The following C1orf94 variants were observed in gnomAD, a reference collection of about 807,000 sequenced individuals.
C1orf94 encodes the protein chromosome 1 open reading frame 94.
C1orf94 carries 45 observed loss-of-function variants against 53.6 expected under a neutral mutation model. The ratio of observed to expected loss-of-function variants is 0.84; its 90% CI spans 0.66 to 1.08. The LOEUF is 1.08. Among genes scored for constraint, C1orf94 ranks in the 50% least tolerant of loss-of-function variants. C1orf94 has a pLI of 0.00. For synonymous variants in C1orf94, 304 were observed against 296.1 expected (o/e 1.03, Z -0.27); for missense variants, 762 against 738.9 (o/e 1.03, Z -0.36).
At chr1:34,217,244 G>A (rs1643003781) in intron 6 of C1orf94, among the ~76,000 whole-genome samples, 1 of 152,086 alleles carries the variant, frequency 6.6e-6, no homozygotes, top group African/African-American at 2.4e-5. Context: ...TCCTCTTCCT[G>A]GCCCTCTAGC....
chr1:34,213,731 G>A (rs1326015275), intron 6 of C1orf94, among the ~76,000 whole-genome samples: 1 of 151,994 alleles, frequency 6.6e-6, no homozygotes, highest in Non-Finnish European at 1.5e-5. Flanking sequence ...AGTAGAGACG[G>A]GGTTTCACCA....
intron 1 of C1orf94, among the ~76,000 whole-genome samples, chr1:34,186,361 G>A (rs977418063): frequency 1.3e-5 from 2 of 152,212 alleles, no homozygotes; most frequent in African/African-American, 4.8e-5. Flanking sequence ...ATAAGAGAAG[G>A]ACTCGATGTT....
intron 2 of C1orf94, among the ~76,000 whole-genome samples, chr1:34,198,231 G>C (rs1642637377): frequency 6.6e-6 from 1 of 152,244 alleles, no homozygotes; most frequent in South Asian, 2.1e-4. Flanking sequence ...GTACATTGAA[G>C]GAAGTGTTTA....
intron 6 of C1orf94, among the ~76,000 whole-genome samples, chr1:34,212,911 C>A (rs1642920176): frequency 6.6e-6 from 1 of 152,194 alleles, no homozygotes; most frequent in African/African-American, 2.4e-5. Context: ...CCAAGTTCCC[C>A]AAACTGCAGA....
intron 1 of C1orf94, among the ~76,000 whole-genome samples, chr1:34,192,386 G>A (rs566696234): frequency 2.6e-5 from 4 of 152,172 alleles, no homozygotes; most frequent in Non-Finnish European, 5.9e-5. Flanking sequence ...TCGGCTCACA[G>A]GGATGCCAGG....
At chr1:34,202,013 C>T (rs113209293) in intron 3 of C1orf94, 71 bp from the exon 4 acceptor site, 25 of 1,505,054 alleles carry the variant, frequency 1.7e-5, no homozygotes, top group Middle Eastern at 1.8e-4. Context: ...AAGGAAGTTG[C>T]GATGCTGAAG....
intron 1 of C1orf94, among the ~76,000 whole-genome samples, chr1:34,187,765 A>AACCCCCC (rs1557479572): frequency 1.7e-3 from 36 of 20,690 alleles, no homozygotes; most frequent in South Asian, 5.6e-3. Context: ...CACTGAATCC[A>AACCCCCC]CCCACCCCCC....
intron 1 of C1orf94, among the ~76,000 whole-genome samples, chr1:34,188,166 A>C (rs1642417241): frequency 6.6e-6 from 1 of 152,206 alleles, no homozygotes; most frequent in Admixed American, 6.5e-5. Flanking sequence ...TGAAACCAGC[A>C]CTACAGGTGA....
chr1:34,175,203 T>A (rs1409931606), upstream of C1orf94, among the ~76,000 whole-genome samples: 274 of 151,608 alleles, frequency 1.8e-3, 2 homozygotes, highest in African/African-American at 6.4e-3. Context: ...TTTTTTTTTT[T>A]TTTTTTTGCA....
chr1:34,218,181 G>T (rs1643020880), intron 6 of C1orf94, among the ~76,000 whole-genome samples: 1 of 152,178 alleles, frequency 6.6e-6, no homozygotes, highest in South Asian at 2.1e-4. Context: ...TTCTGAGTCA[G>T]GGATGGAGTG....
At chr1:34,179,401 C>G (rs546629168) in intron 1 of C1orf94, among the ~76,000 whole-genome samples, 3 of 152,378 alleles carry the variant, frequency 2.0e-5, no homozygotes, top group African/African-American at 7.2e-5. Context: ...GCTCTGCTCT[C>G]AATGGCCAAG....
At chr1:34,174,903 A>G (rs1205349298), upstream of C1orf94, among the ~76,000 whole-genome samples, 2 of 152,218 alleles carry the variant, frequency 1.3e-5, no homozygotes, top group Non-Finnish European at 2.9e-5. Context: ...GTATTTAATG[A>G]TAAGAAATGT....
chr1:34,189,889 C>T (rs1379623529), intron 1 of C1orf94, among the ~76,000 whole-genome samples: 2 of 152,218 alleles, frequency 1.3e-5, no homozygotes, highest in African/African-American at 4.8e-5. Flanking sequence ...GGTCACCCGT[C>T]AGAAAGGACA....
intron 1 of C1orf94, among the ~76,000 whole-genome samples, chr1:34,196,340 T>C (rs928704582): frequency 6.6e-5 from 10 of 152,070 alleles, no homozygotes; most frequent in African/African-American, 2.4e-4. Flanking sequence ...AAGGGGCAGG[T>C]TGAGGCCATT....
In C1orf94 at chr1:34,218,689, C is replaced by T. The variant is rs199825899; in HGVS notation, c.1725C>T (p.Phe575=). 5.1e-5 allele frequency: 82 copies of T among 1,611,746 alleles called. 1 individual carries two copies. The Admixed American group carries it at 1.0e-3, about 20-fold the overall frequency. Residue 575 remains phenylalanine (F), a synonymous_variant, in exon 7 of 7, where the codon TTC becomes TTT. Transcript: ENST00000488417. ...ATCCACCCTCCCTCTCTTCCAGGTT[C>T]GGCTCGACATCCGGAGGGCCCTTGA... is the stretch of plus-strand genomic sequence containing the variant. The part of the protein sequence containing the change: ...PQYLFPQGYG[F]GSTSGGPLMH...
intron 1 of C1orf94, among the ~76,000 whole-genome samples, chr1:34,186,723 G>C (rs929520551): frequency 6.6e-6 from 1 of 152,210 alleles, no homozygotes; most frequent in Non-Finnish European, 1.5e-5. Flanking sequence ...TGGCCAGAGG[G>C]AAGGACACAG....
intron 1 of C1orf94, among the ~76,000 whole-genome samples, chr1:34,168,869 G>A (rs945364040): frequency 2.6e-5 from 4 of 152,112 alleles, no homozygotes; most frequent in Admixed American, 6.5e-5. Flanking sequence ...CTAGGGGTTC[G>A]GACTTCAACC....
intron 6 of C1orf94, among the ~76,000 whole-genome samples, chr1:34,217,471 G>A (rs1643007990): frequency 1.4e-5 from 1 of 71,828 alleles, no homozygotes; most frequent in South Asian, 4.8e-4. Flanking sequence ...TATGATTTCT[G>A]AATGATCCCA....
At chr1:34,215,762 T>G (rs2148624428) in intron 6 of C1orf94, among the ~76,000 whole-genome samples, 1 of 152,324 alleles carries the variant, frequency 6.6e-6, no homozygotes, top group Non-Finnish European at 1.5e-5. Context: ...TCCCAGCACT[T>G]TCGGAGACCG....
Sources: allele counts gnomAD v4.1 joint callset (sites outside exome capture counted in the v4.1 genomes callset), GRCh38; gene constraint gnomAD v4.1.1; transcripts MANE v1.5; gene names NCBI Gene and HGNC (gene_info 2026-07-23, HGNC 2026-07-21).